MIR2052HG: variants seen among roughly 807,000 people sequenced by gnomAD.
The protein encoded by MIR2052HG is MIR2052 host gene.
intron 1 of MIR2052HG, among the ~76,000 whole-genome samples, chr8:74,611,442 T>C (rs960527671): frequency 6.6e-6 from 1 of 152,194 alleles, no homozygotes; most frequent in African/African-American, 2.4e-5. Flanking sequence ...TTACATGCCA[T>C]TTAATTTGAT....
intron 2 of MIR2052HG, among the ~76,000 whole-genome samples, chr8:74,675,516 G>T (rs1563529244): frequency 6.6e-6 from 1 of 152,072 alleles, no homozygotes; most frequent in East Asian, 1.9e-4. Flanking sequence ...GGAGTGGGGG[G>T]TCCTGGAACC....
chr8:74,699,722 C>T (rs1390975392), intron 2 of MIR2052HG, among the ~76,000 whole-genome samples: 2 of 151,902 alleles, frequency 1.3e-5, no homozygotes, highest in African/African-American at 4.8e-5. Flanking sequence ...GATAATCTCA[C>T]GATAATCTCA....
At chr8:74,666,626 G>A (rs1808926870) in intron 2 of MIR2052HG, among the ~76,000 whole-genome samples, 1 of 152,124 alleles carries the variant, frequency 6.6e-6, no homozygotes, top group Non-Finnish European at 1.5e-5. Flanking sequence ...GACCTTTGGA[G>A]AATGCATCTT....
At chr8:74,631,144 A>C (rs1235374882) in intron 2 of MIR2052HG, among the ~76,000 whole-genome samples, 2 of 152,210 alleles carry the variant, frequency 1.3e-5, no homozygotes, top group African/African-American at 4.8e-5. Context: ...TATACTGCTC[A>C]GAGTCTATGC....
chr8:74,616,467 T>C (rs1287590614), intron 2 of MIR2052HG, among the ~76,000 whole-genome samples: 1 of 151,064 alleles, frequency 6.6e-6, no homozygotes, highest in African/African-American at 2.4e-5. Context: ...TTATTTATCA[T>C]GTCTGTTAAA....
intron 4 of MIR2052HG, among the ~76,000 whole-genome samples, chr8:74,751,536 G>A (rs1305598053): frequency 2.0e-5 from 3 of 152,108 alleles, no homozygotes; most frequent in Non-Finnish European, 4.4e-5. Flanking sequence ...TGTGACCAGA[G>A]GCTTATAGGG....
intron 4 of MIR2052HG, among the ~76,000 whole-genome samples, chr8:74,712,300 T>C (rs1444125277): frequency 3.3e-5 from 5 of 152,154 alleles, no homozygotes; most frequent in Non-Finnish European, 1.5e-5. Context: ...AGATAGAGCA[T>C]GGAACTTGAG....
intron 2 of MIR2052HG, among the ~76,000 whole-genome samples, chr8:74,693,980 CT>C (rs1237826502): frequency 2.6e-5 from 4 of 152,164 alleles, no homozygotes; most frequent in African/African-American, 9.7e-5. Context: ...CTAGGGCAAT[CT>C]TGTGTCCTCC....
At chr8:74,663,230 G>A (rs1808886059) in intron 2 of MIR2052HG, among the ~76,000 whole-genome samples, 3 of 151,718 alleles carry the variant, frequency 2.0e-5, no homozygotes, top group Admixed American at 6.6e-5. Context: ...TTTGCCCAGG[G>A]GAAAAAAAGA....
intron 2 of MIR2052HG, among the ~76,000 whole-genome samples, chr8:74,650,529 C>T (rs1412346361): frequency 6.6e-6 from 1 of 151,964 alleles, no homozygotes; most frequent in Admixed American, 6.6e-5. Context: ...TTTTTGTGGA[C>T]ATATTTTTTC....
chr8:74,614,504 C>G (rs970836626), intron 2 of MIR2052HG, among the ~76,000 whole-genome samples: 2 of 152,080 alleles, frequency 1.3e-5, no homozygotes, highest in Admixed American at 1.3e-4. Context: ...TATTTGGGTT[C>G]TAGTTTTTCT....
At chr8:74,719,872 G>A (rs530690761) in intron 4 of MIR2052HG, among the ~76,000 whole-genome samples, 2 of 134,526 alleles carry the variant, frequency 1.5e-5, no homozygotes, top group South Asian at 4.8e-4. Context: ...TTTTTGAGAG[G>A]GAGTCTTGCT....
At chr8:74,602,876 T>TCTTTCTTTCTTTCTTTCTTTCTTTCTTTG (rs1554570015) in intron 1 of MIR2052HG, among the ~76,000 whole-genome samples, 1 of 137,064 alleles carries the variant, frequency 7.3e-6, no homozygotes, top group African/African-American at 2.7e-5. Context: ...TTTCTTTCTT[T>TCTTTCTTTCTTTCTTTCTTTCTTTCTTTG]TTTCTATTCA....
At chr8:74,745,379 A>T (rs1179853098) in intron 4 of MIR2052HG, among the ~76,000 whole-genome samples, 2 of 152,248 alleles carry the variant, frequency 1.3e-5, no homozygotes, top group Admixed American at 6.5e-5. Flanking sequence ...GCATTGATTT[A>T]TTAAATATGG....
intron 2 of MIR2052HG, among the ~76,000 whole-genome samples, chr8:74,656,652 G>C (rs1808810378): frequency 6.6e-6 from 1 of 152,126 alleles, no homozygotes; most frequent in South Asian, 2.1e-4. Flanking sequence ...TATCAGCAGT[G>C]TGAAAATGGA....
chr8:74,619,266 A>T (rs886536514), intron 2 of MIR2052HG, among the ~76,000 whole-genome samples: 2 of 152,154 alleles, frequency 1.3e-5, no homozygotes, highest in African/African-American at 4.8e-5. Flanking sequence ...AAATAAAAAA[A>T]AATTCTAAAA....
At chr8:74,624,806 G>A (rs796542036) in intron 2 of MIR2052HG, among the ~76,000 whole-genome samples, 4 of 152,178 alleles carry the variant, frequency 2.6e-5, no homozygotes, top group African/African-American at 7.2e-5. Flanking sequence ...ACCTGCCTGT[G>A]GAATTCTGTA....
chr8:74,689,344 G>C (rs899243902), intron 2 of MIR2052HG, among the ~76,000 whole-genome samples: 2 of 152,144 alleles, frequency 1.3e-5, no homozygotes, highest in Non-Finnish European at 2.9e-5. Context: ...TGAATTGTGT[G>C]ATTCTTCTCT....
intron 2 of MIR2052HG, among the ~76,000 whole-genome samples, chr8:74,621,442 A>T (rs1482476153): frequency 1.3e-5 from 2 of 152,234 alleles, no homozygotes; most frequent in Non-Finnish European, 2.9e-5. Context: ...TAAAGGAAAG[A>T]GGTTTAATAG....
Sources: gnomAD v4.1 joint callset for allele counts (sites outside exome capture counted in the v4.1 genomes callset) on GRCh38, gnomAD v4.1.1 for gene constraint, MANE v1.5 for transcripts, NCBI Gene and HGNC (gene_info 2026-07-23, HGNC 2026-07-21) for gene names.